Variants in LYRM4 observed in about 807,000 individuals in gnomAD.
The protein encoded by LYRM4 is LYR motif-containing protein 4.
Under a neutral mutation model 11.7 loss-of-function variants are expected in LYRM4, and 9 were observed. The observed-to-expected ratio is 0.77, with a 90% CI of 0.46 to 1.34. The LOEUF (loss-of-function observed/expected upper bound fraction) is 1.34, where lower values mean the gene tolerates loss of function less well. Among genes scored for constraint, LYRM4 ranks in the 40% most tolerant of loss-of-function variants. The pLI, the probability that LYRM4 is intolerant of heterozygous loss-of-function variation, is 0.00. For missense variants in LYRM4, 133 were observed against 112.5 expected (o/e 1.18, Z -0.82); for synonymous variants, 42 against 40.4 (o/e 1.04, Z -0.15).
intron 2 of LYRM4, among the ~76,000 whole-genome samples, chr6:5,185,638 C>T (rs1760345134): frequency 1.3e-5 from 2 of 152,128 alleles, no homozygotes; most frequent in Admixed American, 1.3e-4. Context: ...CATAAGGAGG[C>T]TGAGGAATAC....
At chr6:5,241,235 C>A (rs73719775) in intron 1 of LYRM4, among the ~76,000 whole-genome samples, 5,688 of 152,208 alleles carry the variant, frequency 0.037, 345 homozygotes, top group African/African-American at 0.13. Context: ...AAGTAAGAAT[C>A]CTCATTTCAT....
intron 1 of LYRM4, among the ~76,000 whole-genome samples, chr6:5,245,739 G>A (rs1468199507): frequency 6.6e-6 from 1 of 152,208 alleles, no homozygotes; most frequent in African/African-American, 2.4e-5. Flanking sequence ...AGTGGTGCAA[G>A]TGTCACTGTG....
chr6:5,188,371 G>GA (rs71540852), intron 2 of LYRM4, among the ~76,000 whole-genome samples: 1,536 of 142,166 alleles, frequency 0.011, 30 homozygotes, highest in African/African-American at 0.036. Flanking sequence ...ACTCTCAAAA[G>GA]AAAAAAAAAA....
downstream of LYRM4, among the ~76,000 whole-genome samples, chr6:5,101,990 G>GTTTTTTTTT (rs1762519776): frequency 1.3e-4 from 4 of 31,938 alleles, no homozygotes; most frequent in East Asian, 2.6e-3. Flanking sequence ...TTTTTGGAGA[G>GTTTTTTTTT]TTATGTTGCC....
chr6:5,181,426 C>A (rs761360), intron 2 of LYRM4, among the ~76,000 whole-genome samples: 52,739 of 152,110 alleles, frequency 0.35, 10,410 homozygotes, highest in African/African-American at 0.55. Context: ...TTTTCCTCCC[C>A]GTCAACACAC....
chr6:5,147,325 A>G (rs1757782890), intron 2 of LYRM4, among the ~76,000 whole-genome samples: 1 of 152,194 alleles, frequency 6.6e-6, no homozygotes, highest in Non-Finnish European at 1.5e-5. Flanking sequence ...GTGTGTAGTT[A>G]TGGTCTAGCT....
chr6:5,091,707 A>T, the LYRM4 span, among the ~76,000 whole-genome samples: 1 of 152,214 alleles, frequency 6.6e-6, no homozygotes, highest in Admixed American at 6.5e-5. Flanking sequence ...CTGAGTTGGT[A>T]CTAGAGGAAT....
chr6:5,243,321 C>T (rs979900275), intron 1 of LYRM4, among the ~76,000 whole-genome samples: 2 of 152,222 alleles, frequency 1.3e-5, no homozygotes, highest in Admixed American at 6.5e-5. Flanking sequence ...GTAGCTCCCA[C>T]TCTTGTGCAC....
In LYRM4 at chr6:5,108,514, G is replaced by A. The variant is rs772024885; in HGVS notation, c.*909C>T. 3.5e-5 allele frequency: 25 copies of A among 710,426 alleles called. No individual in the cohort carries two copies. Among genetic ancestry groups the A allele is most frequent in the Admixed American group, 1.9e-4 (3 of 15,908 alleles). The allele number at this position is 710,426 out of a possible 1,614,324, so 44.0% of individuals were successfully genotyped here. ...CATTGAAAACAGTGGGAGAGCTTCA[G>A]AATAGAGAAAAATGACTGTGCCTCA... On this transcript the variant is annotated 3_prime_UTR_variant, in exon 3 of 3. Transcript: ENST00000330636.
downstream of LYRM4, chr6:5,107,459 A>G (rs965785828): frequency 2.0e-5 from 3 of 152,220 alleles, no homozygotes; most frequent in Non-Finnish European, 4.4e-5. Context: ...TTCACTGCTG[A>G]GTGACCACGA....
intron 2 of LYRM4, among the ~76,000 whole-genome samples, chr6:5,165,122 AC>A (rs1480471905): frequency 6.6e-6 from 1 of 152,202 alleles, no homozygotes; most frequent in Non-Finnish European, 1.5e-5. Context: ...TTGTAAGCAT[AC>A]AATTAGAAAC....
the LYRM4 span, chr6:5,032,127 T>A: frequency 6.6e-6 from 1 of 152,200 alleles, no homozygotes; most frequent in African/African-American, 2.4e-5. Flanking sequence ...TACCAGACAA[T>A]ATCATCAAGT....
intron 2 of LYRM4, among the ~76,000 whole-genome samples, chr6:5,210,974 A>G (rs559824091): frequency 6.6e-6 from 1 of 152,302 alleles, no homozygotes; most frequent in South Asian, 2.1e-4. Flanking sequence ...AATCATTTTC[A>G]TGTATTTTAA....
At chr6:5,078,926 A>G in the LYRM4 span, among the ~76,000 whole-genome samples, 1 of 152,228 alleles carries the variant, frequency 6.6e-6, no homozygotes, top group African/African-American at 2.4e-5. Context: ...CTCTTTTAAA[A>G]TACTTAAAAT....
intron 2 of LYRM4, among the ~76,000 whole-genome samples, chr6:5,215,781 G>C (rs2127722824): frequency 6.6e-6 from 1 of 152,294 alleles, no homozygotes; most frequent in South Asian, 2.1e-4. Flanking sequence ...AAATGGTAAA[G>C]AGTTTCCCCC....
chr6:5,188,449 C>T (rs1007112519), intron 2 of LYRM4, among the ~76,000 whole-genome samples: 1 of 151,948 alleles, frequency 6.6e-6, no homozygotes, highest in Non-Finnish European at 1.5e-5. Flanking sequence ...ATTAAGTTAC[C>T]TAAGTTGTAA....
At chr6:5,130,042 A>T (rs1763878425) in intron 2 of LYRM4, among the ~76,000 whole-genome samples, 1 of 152,256 alleles carries the variant, frequency 6.6e-6, no homozygotes, top group African/African-American at 2.4e-5. Context: ...CTCTGGCTAC[A>T]AAAACTAATT....
the LYRM4 span, chr6:5,085,430 T>TTC: frequency 2.3e-6 from 3 of 1,317,790 alleles, no homozygotes; most frequent in South Asian, 1.4e-5. Flanking sequence ...GAGGAGTTAG[T>TTC]TAAGTCTCCA....
the LYRM4 span, chr6:5,089,588 T>C: frequency 6.6e-6 from 1 of 152,236 alleles, no homozygotes; most frequent in Admixed American, 6.5e-5. Context: ...CTTTCTATTC[T>C]GTCATAACAC....
Sources: gnomAD v4.1 joint callset for allele counts (sites outside exome capture counted in the v4.1 genomes callset) on GRCh38, gnomAD v4.1.1 for gene constraint, MANE v1.5 for transcripts, NCBI Gene and HGNC (gene_info 2026-07-23, HGNC 2026-07-21) for gene names.